The following TBCK variants were observed in gnomAD, a reference collection of about 807,000 sequenced individuals.
TBCK encodes the protein TBC1 domain containing kinase.
Under a neutral mutation model 113.4 loss-of-function variants are expected in TBCK, and 99 were observed. The ratio of observed to expected loss-of-function variants is 0.87; its 90% confidence interval spans 0.74 to 1.03. The LOEUF (loss-of-function observed/expected upper bound fraction) is 1.03. Among genes scored for constraint, TBCK ranks in the 50% least tolerant of loss-of-function variants. The probability of loss-of-function intolerance (pLI) is 0.00; values close to 1 mark genes in which losing one functional copy is unlikely to be tolerated. For synonymous variants in TBCK, 369 were observed against 370.8 expected, an observed-to-expected ratio of 1.00 and a Z score of 0.05; for missense variants, 1,045 against 1,061.3, an observed-to-expected ratio of 0.98 and a Z score of 0.21.
At chr4:106,064,039 A>G (rs1350277252) in intron 25 of TBCK, among the ~76,000 whole-genome samples, 1 of 151,948 alleles carries the variant, frequency 6.6e-6, no homozygotes, top group Non-Finnish European at 1.5e-5. Flanking sequence ...TAAGGAATCC[A>G]GGAAGTAATG....
At chr4:106,221,013 A>G (rs921750475) in intron 19 of TBCK, among the ~76,000 whole-genome samples, 5 of 152,252 alleles carry the variant, frequency 3.3e-5, no homozygotes, top group African/African-American at 1.2e-4. Context: ...TTCCACAGCT[A>G]TGCTCCAGTT....
At chr4:106,181,734 G>A (rs545645427) in intron 22 of TBCK, among the ~76,000 whole-genome samples, 1 of 152,194 alleles carries the variant, frequency 6.6e-6, no homozygotes, top group South Asian at 2.1e-4. Flanking sequence ...CTATATATCT[G>A]TTTTTGTACA....
At chr4:106,298,765 A>G (rs72878536) in intron 2 of TBCK, among the ~76,000 whole-genome samples, 1,537 of 152,354 alleles carry the variant, frequency 0.01, 24 homozygotes, top group African/African-American at 0.035. Context: ...AAATCATACC[A>G]GTTTTGCTCT....
rs114784192 is a variant in TBCK, at chr4:106,070,727, C to T, written c.2572-24047G>A. Among the ~76,000 whole-genome samples, 473 of 152,194 alleles carry T rather than the reference C, an allele frequency of 3.1e-3. 2 individuals are homozygous for T. Among genetic ancestry groups the T allele is most frequent in the African/African-American group, 0.011 (437 of 41,496 alleles). The stretch of plus-strand genomic sequence containing the variant: ...AGTTTCAGAAGGAATGGTACCCGCT[C>T]GTCTTTGTAATTCTGGTAGAATTGG... On this transcript the variant is annotated intron_variant, in intron 25 of 25. Transcript: ENST00000394708.
At chr4:106,305,707 T>G (rs547574753) in intron 2 of TBCK, among the ~76,000 whole-genome samples, 2 of 152,004 alleles carry the variant, frequency 1.3e-5, no homozygotes, top group Non-Finnish European at 2.9e-5. Flanking sequence ...CAGGATGAGA[T>G]AGGAGGTCAG....
intron 2 of TBCK, among the ~76,000 whole-genome samples, chr4:106,299,328 C>T (rs997390803): frequency 1.3e-5 from 2 of 152,130 alleles, no homozygotes; most frequent in African/African-American, 2.4e-5. Flanking sequence ...CAGTATAACT[C>T]AGTAGCACTG....
intron 23 of TBCK, among the ~76,000 whole-genome samples, chr4:106,156,387 C>T (rs1469197931): frequency 1.3e-5 from 2 of 152,192 alleles, no homozygotes; most frequent in African/African-American, 2.4e-5. Flanking sequence ...TGGCTACTGC[C>T]TGTGTTCACT....
At chr4:106,309,500 C>A (rs1767948372) in intron 1 of TBCK, among the ~76,000 whole-genome samples, 1 of 151,948 alleles carries the variant, frequency 6.6e-6, no homozygotes, top group South Asian at 2.1e-4. Flanking sequence ...GATGGGGTTT[C>A]ACTATGTTGG....
At chr4:106,294,220 G>A (rs534824471) in intron 3 of TBCK, among the ~76,000 whole-genome samples, 27 of 150,500 alleles carry the variant, frequency 1.8e-4, no homozygotes, top group South Asian at 1.7e-3. Context: ...AGATGGAGTC[G>A]CGCTCTTTTG....
At chr4:106,292,300 G>A (rs988761357) in intron 3 of TBCK, among the ~76,000 whole-genome samples, 5 of 152,012 alleles carry the variant, frequency 3.3e-5, no homozygotes, top group African/African-American at 7.3e-5. Context: ...GGCTGGGCGC[G>A]GTGGCTGACA....
intron 18 of TBCK, among the ~76,000 whole-genome samples, chr4:106,231,068 T>C (rs1758804394): frequency 1.3e-5 from 2 of 151,792 alleles, no homozygotes; most frequent in African/African-American, 4.8e-5. Flanking sequence ...GGTCATGAAA[T>C]AGAATCTGAA....
intron 23 of TBCK, among the ~76,000 whole-genome samples, chr4:106,133,744 C>T (rs1244655168): frequency 6.6e-6 from 1 of 152,180 alleles, no homozygotes; most frequent in Non-Finnish European, 1.5e-5. Context: ...GTCGTGATGG[C>T]TCACGCCTGT....
At position 106,042,244 on chromosome 4, in the gene TBCK, T is replaced by C. The variant is rs997611972; in HGVS notation, c.*4326A>G. ...TATTTTGGGTCAGCATGTATAACAA[T>C]GGGATTACTAGTTACAACTGATAGA... is the stretch of plus-strand genomic sequence containing the variant. On this transcript the variant is annotated 3_prime_UTR_variant, in exon 26 of 26. Transcript: ENST00000394708. 2 of 152,242 alleles carry C rather than the reference T, an allele frequency of 1.3e-5. No homozygotes were observed. The highest frequency in any genetic ancestry group is 2.9e-5 in the Non-Finnish European group (2 of 68,042). The allele number at this position is 152,242 out of a possible 1,614,324, so 9.4% of individuals were successfully genotyped here.
rs56363184 is a variant in TBCK at position 106,107,029 on chromosome 4, T to TA, written c.2411+9173dup. 6.2e-4 allele frequency among the ~76,000 whole-genome samples: 94 copies of TA among 150,824 alleles called. 4 individuals carry two copies. Among genetic ancestry groups the TA allele is most frequent in the Admixed American group, 1.6e-3 (25 of 15,172 alleles). On this transcript the variant is annotated intron_variant, in intron 24 of 25. Coordinates refer to ENST00000394708, the MANE Select transcript of TBCK (RefSeq NM_001163435.3). Reference sequence around the variant, plus strand: ...AACAGATTTCAAACCAACAACGATTTAAAAAAAAAGACAAGGGCATTATAT... The same window carrying TA: ...AACAGATTTCAAACCAACAACGATTTAAAAAAAAAAGACAAGGGCATTATAT...
chr4:106,072,701 G>C (rs1486914814), intron 25 of TBCK, among the ~76,000 whole-genome samples: 1 of 152,142 alleles, frequency 6.6e-6, no homozygotes, highest in East Asian at 1.9e-4. Context: ...TTTCCAGCTT[G>C]GTTCCATTCT....
chr4:106,215,931 C>G (rs1223724942), intron 19 of TBCK, among the ~76,000 whole-genome samples: 5 of 149,752 alleles, frequency 3.3e-5, no homozygotes, highest in African/African-American at 7.4e-5. Context: ...CAGCACCACA[C>G]CACACCTATT....
intron 5 of TBCK, among the ~76,000 whole-genome samples, chr4:106,258,865 C>T (rs916609152): frequency 9.2e-5 from 14 of 151,756 alleles, no homozygotes; most frequent in Non-Finnish European, 2.1e-4. Flanking sequence ...CTTTCATATT[C>T]GAAAGGGCTT....
intron 3 of TBCK, 116 bp downstream of exon 3, chr4:106,294,978 C>T (rs1766128292): frequency 2.1e-5 from 15 of 709,088 alleles, no homozygotes; most frequent in Non-Finnish European, 3.2e-5. Context: ...AAATTTGCAC[C>T]TACCTTTATC....
chr4:106,248,203 TAAAGGATCTC>T, intron 9 of TBCK, 32 bp downstream of exon 9: 1 of 1,396,084 alleles, frequency 7.2e-7, no homozygotes, highest in Admixed American at 2.2e-5. Context: ...TGCTTATGCG[TAAAGGATCTC>T]AATGTAATCC....
Sources: gnomAD v4.1 joint callset for allele counts (sites outside exome capture counted in the v4.1 genomes callset) on GRCh38, gnomAD v4.1.1 for gene constraint, MANE v1.5 for transcripts, NCBI Gene and HGNC (gene_info 2026-07-23, HGNC 2026-07-21) for gene names.